The following GPC5 variants were observed in gnomAD, a reference collection of about 807,000 sequenced individuals.
GPC5 encodes the protein glypican-5.
In GPC5, 47 loss-of-function variants were observed where a neutral mutation model predicts 53.9. The observed-to-expected ratio is 0.87, with a 90% confidence interval of 0.69 to 1.11. The LOEUF (loss-of-function observed/expected upper bound fraction) is 1.11, where lower values mean the gene tolerates loss of function less well. GPC5 is among the 50% of genes most tolerant of loss of function. GPC5 has a pLI of 0.00. For missense variants in GPC5, 748 were observed against 713.1 expected (o/e 1.05, Z -0.56); for synonymous variants, 286 against 263.3 (o/e 1.09, Z -0.84).
intron 2 of GPC5, among the ~76,000 whole-genome samples, chr13:91,498,117 C>T (rs1269549639): frequency 6.7e-6 from 1 of 149,854 alleles, no homozygotes; most frequent in African/African-American, 2.5e-5. Flanking sequence ...TAATGCTTTT[C>T]ACCCCCCTAC....
intron 2 of GPC5, among the ~76,000 whole-genome samples, chr13:91,601,060 G>A (rs575526267): frequency 1.3e-5 from 2 of 152,230 alleles, no homozygotes; most frequent in African/African-American, 4.8e-5. Flanking sequence ...GGTCTTATAA[G>A]AAAAGTCTGT....
intron 5 of GPC5, among the ~76,000 whole-genome samples, chr13:91,821,333 T>G (rs2038491534): frequency 6.6e-6 from 1 of 152,216 alleles, no homozygotes; most frequent in Non-Finnish European, 1.5e-5. Context: ...CCAGCAACCT[T>G]GTTAAACATC....
At chr13:92,270,224 A>C (rs1566512150) in intron 7 of GPC5, among the ~76,000 whole-genome samples, 1 of 152,148 alleles carries the variant, frequency 6.6e-6, no homozygotes, top group Non-Finnish European at 1.5e-5. Flanking sequence ...TTCCCATTAT[A>C]TATTGATAAG....
In GPC5 at chr13:92,376,684, C is replaced by T. The variant is rs558288106; in HGVS notation, c.1561+231695C>T. Among the ~76,000 whole-genome samples, 10 of 152,206 alleles carry T rather than the reference C, an allele frequency of 6.6e-5. No individual in the cohort carries two copies. The South Asian group carries it at 1.7e-3, about 25-fold the overall frequency. On this transcript the variant is annotated intron_variant, in intron 7 of 7. Coordinates refer to ENST00000377067, the MANE Select transcript of GPC5 (RefSeq NM_004466.6). ...AGGTTGGATCCAAAAATGGGGTTCTCAATAGGATTTCTGATAAACCTAGGC... is the reference window on the plus strand; with the variant it reads ...AGGTTGGATCCAAAAATGGGGTTCTTAATAGGATTTCTGATAAACCTAGGC...
intron 2 of GPC5, among the ~76,000 whole-genome samples, chr13:91,562,416 A>G (rs867647352): frequency 1.3e-5 from 2 of 151,934 alleles, no homozygotes; most frequent in African/African-American, 4.8e-5. Flanking sequence ...CACTGAATGT[A>G]TTGTCTAGCT....
At chr13:92,677,256 T>C (rs1431759139) in intron 7 of GPC5, among the ~76,000 whole-genome samples, 1 of 152,198 alleles carries the variant, frequency 6.6e-6, no homozygotes, top group East Asian at 1.9e-4. Context: ...TTTACATAAA[T>C]AGCACCACTC....
intron 7 of GPC5, among the ~76,000 whole-genome samples, chr13:92,272,212 T>G (rs563757999): frequency 6.6e-6 from 1 of 152,234 alleles, no homozygotes; most frequent in African/African-American, 2.4e-5. Context: ...CTTCCCACAT[T>G]TTTTTAGCCA....
At chr13:92,425,404 G>C (rs1405424783) in intron 7 of GPC5, among the ~76,000 whole-genome samples, 1 of 151,840 alleles carries the variant, frequency 6.6e-6, no homozygotes, top group Non-Finnish European at 1.5e-5. Context: ...TTTATTGATT[G>C]GTTTCTACAT....
At chr13:92,206,158 T>A (rs1233547418) in intron 7 of GPC5, among the ~76,000 whole-genome samples, 1 of 58,084 alleles carries the variant, frequency 1.7e-5, no homozygotes, top group East Asian at 2.3e-4. Context: ...TTTTTTTATT[T>A]TTTTTTTTAT....
rs9740935 is a variant in GPC5, at chr13:91,437,359, G to A, written c.164-11402G>A. On this transcript the variant is annotated intron_variant, in intron 1 of 7. Coordinates refer to ENST00000377067, the MANE Select transcript of GPC5 (RefSeq NM_004466.6). ...CCTTTCCATGTTTAGTGCTTCCTTC[G>A]GGAGCTCTTTTAGGGCAGGCCTGGT... Among the ~76,000 whole-genome samples the A allele has an allele frequency of 4.5e-3, 686 of 152,130 alleles. 3 individuals are homozygous for A. Among genetic ancestry groups the A allele is most frequent in the African/African-American group, 0.016 (653 of 41,504 alleles).
chr13:91,655,191 A>G (rs2034816132), intron 2 of GPC5, among the ~76,000 whole-genome samples: 1 of 152,166 alleles, frequency 6.6e-6, no homozygotes, highest in South Asian at 2.1e-4. Flanking sequence ...CATTTTAAAA[A>G]TAAAATTAAT....
chr13:91,466,959 G>A (rs1451461100), intron 2 of GPC5, among the ~76,000 whole-genome samples: 1 of 152,080 alleles, frequency 6.6e-6, no homozygotes, highest in African/African-American at 2.4e-5. Flanking sequence ...TTTTCAGGCA[G>A]TCCCCGCTTT....
chr13:92,258,178 C>T (rs192486600), intron 7 of GPC5, among the ~76,000 whole-genome samples: 49 of 152,148 alleles, frequency 3.2e-4, no homozygotes, highest in African/African-American at 1.2e-3. Flanking sequence ...ATTTAGAAGA[C>T]AAAATTTAAT....
chr13:91,661,512 A>C (rs1228863125), intron 2 of GPC5, among the ~76,000 whole-genome samples: 1 of 152,210 alleles, frequency 6.6e-6, no homozygotes, highest in Non-Finnish European at 1.5e-5. Flanking sequence ...TGCTTGTTGC[A>C]TTGCCATAAT....
intron 7 of GPC5, among the ~76,000 whole-genome samples, chr13:92,827,869 T>G (rs568580180): frequency 3.3e-5 from 5 of 151,894 alleles, no homozygotes; most frequent in African/African-American, 1.2e-4. Context: ...GCCAGGAGCC[T>G]CAATAAAGAG....
chr13:91,615,431 C>T (rs1208926777), intron 2 of GPC5, among the ~76,000 whole-genome samples: 2 of 152,106 alleles, frequency 1.3e-5, no homozygotes, highest in African/African-American at 4.8e-5. Flanking sequence ...GAAAAAAAAT[C>T]ACCTTTTGCC....
intron 7 of GPC5, among the ~76,000 whole-genome samples, chr13:92,373,888 G>C (rs1381753642): frequency 2.0e-5 from 3 of 152,168 alleles, no homozygotes; most frequent in African/African-American, 7.2e-5. Context: ...AGAATGGTTA[G>C]TGTCATAAAA....
chr13:92,111,557 A>T (rs1458412653), intron 6 of GPC5, among the ~76,000 whole-genome samples: 2 of 148,860 alleles, frequency 1.3e-5, no homozygotes, highest in East Asian at 3.9e-4. Flanking sequence ...TTTCTTCTTG[A>T]TAGACTTATT....
chr13:92,678,604 G>A (rs1566359832), intron 7 of GPC5, among the ~76,000 whole-genome samples: 2 of 152,156 alleles, frequency 1.3e-5, no homozygotes, highest in Non-Finnish European at 2.9e-5. Flanking sequence ...TGAATACCGT[G>A]GAAATGGTAG....
Sources: allele counts gnomAD v4.1 joint callset (sites outside exome capture counted in the v4.1 genomes callset), GRCh38; gene constraint gnomAD v4.1.1; transcripts MANE v1.5; gene names NCBI Gene and HGNC (gene_info 2026-07-23, HGNC 2026-07-21).